NBEAL1: variants seen among roughly 807,000 people sequenced by gnomAD.
NBEAL1 encodes neurobeachin-like protein 1.
A neutral mutation model predicts 351.3 loss-of-function variants in NBEAL1; 273 were observed. The observed-to-expected ratio is 0.78, with a 90% CI of 0.70 to 0.86. The LOEUF (loss-of-function observed/expected upper bound fraction) is 0.86. Among genes scored for constraint, NBEAL1 ranks in the 40% least tolerant of loss-of-function variants. The pLI, the probability that NBEAL1 is intolerant of heterozygous loss-of-function variation, is 0.00. For synonymous variants in NBEAL1, 1,050 were observed against 1,086.4 expected (o/e 0.97, Z 0.66); for missense variants, 2,961 against 3,201.3 (o/e 0.92, Z 1.81).
intron 46 of NBEAL1, among the ~76,000 whole-genome samples, chr2:203,192,385 ATTTTT>A (rs753136759): frequency 6.9e-6 from 1 of 144,720 alleles, no homozygotes. Flanking sequence ...TTAAAAGATA[ATTTTT>A]TTTTTTTTTT....
intron 7 of NBEAL1, among the ~76,000 whole-genome samples, chr2:203,071,951 C>A (rs1293752584): frequency 6.6e-6 from 1 of 152,094 alleles, no homozygotes; most frequent in African/African-American, 2.4e-5. Flanking sequence ...GTGTCACCCC[C>A]CACCCCAGGT....
intron 3 of NBEAL1, among the ~76,000 whole-genome samples, chr2:203,049,369 A>G (rs1034179960): frequency 6.6e-6 from 1 of 152,188 alleles, no homozygotes; most frequent in Non-Finnish European, 1.5e-5. Flanking sequence ...CAGTTGACAT[A>G]TTAAACTAGT....
chr2:203,126,515 T>G, intron 21 of NBEAL1, 42 bp from the exon 22 acceptor site: 1 of 1,346,878 alleles, frequency 7.4e-7, no homozygotes, highest in Non-Finnish European at 9.7e-7. Flanking sequence ...ATGACAGTTA[T>G]TTAAACTGAA....
At chr2:203,133,966 C>A (rs541460913) in intron 27 of NBEAL1, among the ~76,000 whole-genome samples, 36 of 152,064 alleles carry the variant, frequency 2.4e-4, no homozygotes, top group Admixed American at 9.8e-4. Context: ...TCCTGCTTTT[C>A]CATGTTATAA....
At chr2:203,112,120 T>G (rs2062587315) in intron 16 of NBEAL1, 22 bp downstream of exon 16, 1 of 1,540,586 alleles carries the variant, frequency 6.5e-7, no homozygotes, top group African/African-American at 1.4e-5. Flanking sequence ...CAACCTACTC[T>G]TTACGGGCCC....
intron 3 of NBEAL1, among the ~76,000 whole-genome samples, chr2:203,047,299 C>G (rs918442994): frequency 6.6e-6 from 1 of 151,426 alleles, no homozygotes; most frequent in Non-Finnish European, 1.5e-5. Context: ...GTATTGGCAA[C>G]CACCTGTCAT....
rs2065989714 is a variant in NBEAL1 at position 203,224,656 on chromosome 2, A to G, written c.*7302A>G. ...TTGGAAATTGTGCTGCTACTTAAAT[A>G]TTGAAGGAATTCAGAAAGTTGTGTA... On this transcript the variant is annotated 3_prime_UTR_variant, in exon 56 of 56. Transcript: ENST00000683969. 6.6e-6 allele frequency among the ~76,000 whole-genome samples: 1 copy of G among 152,150 alleles called. No individual in the cohort carries two copies. The highest frequency in any genetic ancestry group is 2.4e-5 in the African/African-American group (1 of 41,448).
Position 203,169,733 on chromosome 2 carries a change from G to T in NBEAL1, c.5998-14G>T. The T allele has an allele frequency of 7.0e-7, 1 of 1,435,130 alleles. No individual in the cohort carries two copies. Among genetic ancestry groups the T allele is most frequent in the South Asian group, 1.2e-5 (1 of 82,356 alleles). The allele number at this position is 1,435,130 out of a possible 1,614,324, so 88.9% of individuals were successfully genotyped here. A position where few individuals can be genotyped will look rare whatever the true frequency, so the allele number is the denominator to read the frequency against. The stretch of plus-strand genomic sequence containing the variant: ...TTGATTCATTTTTAAAGTATAAAAT[G>T]CTGTTTTTTATAGGTTAGAAACAAA... On this transcript the variant is annotated splice_polypyrimidine_tract_variant and intron_variant, in intron 38 of 55. Transcript: ENST00000683969.
At chr2:203,092,351 C>T (rs2062083085) in intron 10 of NBEAL1, among the ~76,000 whole-genome samples, 1 of 149,938 alleles carries the variant, frequency 6.7e-6, no homozygotes, top group Admixed American at 6.7e-5. Flanking sequence ...GTCAGGAGTT[C>T]GAGACCAGCC....
chr2:203,059,767 C>T (rs867619424), intron 6 of NBEAL1, among the ~76,000 whole-genome samples: 41 of 152,164 alleles, frequency 2.7e-4, no homozygotes, highest in African/African-American at 9.9e-4. Flanking sequence ...GCCTGTTGTC[C>T]CAGCTACTGG....
chr2:203,150,947 C>T (rs960351080), intron 34 of NBEAL1, among the ~76,000 whole-genome samples: 1 of 152,164 alleles, frequency 6.6e-6, no homozygotes, highest in African/African-American at 2.4e-5. Context: ...TTAGATTCCT[C>T]ATGTATAAAG....
chr2:203,096,373 T>G (rs780621296), intron 10 of NBEAL1, among the ~76,000 whole-genome samples: 2 of 152,224 alleles, frequency 1.3e-5, no homozygotes, highest in Admixed American at 1.3e-4. Flanking sequence ...TATTTCAGCA[T>G]GTAACTCGAC....
At chr2:203,099,591 C>T (rs781299016) in intron 11 of NBEAL1, 38 bp from the exon 12 acceptor site, 2 of 1,350,130 alleles carry the variant, frequency 1.5e-6, no homozygotes, top group Non-Finnish European at 2.0e-6. Context: ...ATCGTGAGCA[C>T]ATTTGTTAAT....
At position 203,136,586 on chromosome 2, in the gene NBEAL1, A is replaced by T. The variant is rs777965680; in HGVS notation, c.4390-13A>T. 3.8e-6 allele frequency: 6 copies of T among 1,580,112 alleles called. No individual in the cohort carries two copies. Among genetic ancestry groups the T allele is most frequent in the Non-Finnish European group, 8.7e-7 (1 of 1,155,468 alleles). Reference sequence around the variant, plus strand: ...CCCTCTAGTTATTTAAAATTACTTTATATTTTCCATAGAGATGTGAGGAGG... The same window carrying T: ...CCCTCTAGTTATTTAAAATTACTTTTTATTTTCCATAGAGATGTGAGGAGG... On this transcript the variant is annotated splice_polypyrimidine_tract_variant and intron_variant, in intron 28 of 55. Transcript: ENST00000683969.
intron 31 of NBEAL1, among the ~76,000 whole-genome samples, chr2:203,141,378 T>TA (rs2063374990): frequency 1.3e-5 from 1 of 79,776 alleles, no homozygotes; most frequent in African/African-American, 4.8e-5. Flanking sequence ...TTTTTTTTTT[T>TA]TTTTTTTTTT....
chr2:203,160,118 C>T (rs533850460), intron 36 of NBEAL1, among the ~76,000 whole-genome samples: 2 of 147,150 alleles, frequency 1.4e-5, no homozygotes, highest in African/African-American at 2.5e-5. Flanking sequence ...TTGCTCTTGT[C>T]GCCCATGCCA....
At chr2:203,189,749 T>A (rs1248766952) in intron 45 of NBEAL1, among the ~76,000 whole-genome samples, 1 of 152,142 alleles carries the variant, frequency 6.6e-6, no homozygotes, top group African/African-American at 2.4e-5. Context: ...TAGCTAATTT[T>A]TATATATATT....
chr2:203,063,751 C>T (rs1362301728), intron 6 of NBEAL1, among the ~76,000 whole-genome samples: 2 of 151,898 alleles, frequency 1.3e-5, no homozygotes, highest in Non-Finnish European at 2.9e-5. Context: ...TGCCCTGTGC[C>T]TCCTACTTGT....
At position 203,223,864 on chromosome 2, in the gene NBEAL1, G is replaced by A. The variant is rs142019222; in HGVS notation, c.*6510G>A. Among the ~76,000 whole-genome samples, 1 of 151,988 alleles carries A rather than the reference G, an allele frequency of 6.6e-6. No homozygotes were observed. Among genetic ancestry groups the A allele is most frequent in the East Asian group, 1.9e-4 (1 of 5,178 alleles). ...AGGAAAAAGATACTTGTCTGTATAC[G>A]ACATAATTGTTTTACTCTTCAGAAT... is the stretch of plus-strand genomic sequence containing the variant. On this transcript the variant is annotated 3_prime_UTR_variant, in exon 56 of 56. Coordinates refer to ENST00000683969, the MANE Select transcript of NBEAL1 (RefSeq NM_001378026.1).
Sources: allele counts gnomAD v4.1 joint callset (sites outside exome capture counted in the v4.1 genomes callset), GRCh38; gene constraint gnomAD v4.1.1; transcripts MANE v1.5; gene names NCBI Gene and HGNC (gene_info 2026-07-23, HGNC 2026-07-21).